Variants in KLHL38 observed in about 807,000 individuals in gnomAD.
KLHL38 encodes the protein kelch like family member 38, also known as kelch-like protein 38.
Under a neutral mutation model 39.6 loss-of-function variants are expected in KLHL38, and 38 were observed. That is an observed-to-expected ratio of 0.96 (90% confidence interval 0.74 to 1.26). The LOEUF (loss-of-function observed/expected upper bound fraction) is 1.26, where lower values mean the gene tolerates loss of function less well. Among genes scored for constraint, KLHL38 ranks in the 50% most tolerant of loss-of-function variants. KLHL38 has a pLI of 0.00. For missense variants in KLHL38, 803 were observed against 748.1 expected, an observed-to-expected ratio of 1.07 and a Z score of -0.86; for synonymous variants, 322 against 302.2, an observed-to-expected ratio of 1.07 and a Z score of -0.68.
Position 123,652,890 on chromosome 8 carries a change from CT to C in KLHL38, c.36del (p.Asp13ThrfsTer9). The part of the protein sequence containing the change: ...DEESLDGLLF[K>X]DHDFSSDLLR... ...AACAAGTCAGAAGAGAAGTCGTGGT[CT>C]TTGAAGAGCAGCCCATCTAGTGACT... is the stretch of plus-strand genomic sequence containing the variant. On this transcript the variant is annotated frameshift_variant, in exon 2 of 4. Transcript: ENST00000684634. LOFTEE classifies it high-confidence loss of function. 1 of 1,601,144 alleles carries C rather than the reference CT, an allele frequency of 6.2e-7. No individual in the cohort carries two copies. The highest frequency in any genetic ancestry group is 2.2e-5 in the East Asian group (1 of 44,874).
At chr8:123,647,769 A>G (rs1316519821) in intron 2 of KLHL38, among the ~76,000 whole-genome samples, 2 of 152,232 alleles carry the variant, frequency 1.3e-5, no homozygotes, top group Non-Finnish European at 1.5e-5. Context: ...TTTGCTAGAA[A>G]GTCTTTTCCT....
chr8:123,648,012 T>C (rs1818691517), intron 2 of KLHL38, among the ~76,000 whole-genome samples: 1 of 152,016 alleles, frequency 6.6e-6, no homozygotes, highest in African/African-American at 2.4e-5. Context: ...GCCCTGGAGG[T>C]GGAGGTTGCA....
chr8:123,653,600 G>T lies in KLHL38; in HGVS notation c.-16C>A, dbSNP rs1812696488. On this transcript the variant is annotated 5_prime_UTR_variant, in exon 1 of 4. Coordinates refer to ENST00000684634, the MANE Select transcript of KLHL38 (RefSeq NM_001081675.3). ...GGGACACTTACCTTGTTTTGCTGCG[G>T]TGACATCCACTGGTGCCTGGTCTGA... Among the ~76,000 whole-genome samples the T allele has an allele frequency of 6.6e-6, 1 of 152,210 alleles. No homozygotes were observed. Among genetic ancestry groups the T allele is most frequent in the South Asian group, 2.1e-4 (1 of 4,824 alleles).
At position 123,652,717 on chromosome 8, in the gene KLHL38, C is replaced by A. The variant is rs780659218; in HGVS notation, c.210G>T (p.Lys70Asn). 4 of 1,614,202 alleles carry A rather than the reference C, an allele frequency of 2.5e-6. No homozygotes were observed. Among genetic ancestry groups the A allele is most frequent in the Admixed American group, 3.3e-5 (2 of 60,032 alleles). Residue 70 changes from lysine (K) to asparagine (N), a missense_variant, in exon 2 of 4, where the codon AAG (lysine) becomes AAT (asparagine). By Grantham distance (94) the Lys-to-Asn change is moderately conservative. Transcript: ENST00000684634. ...CTTTCAGCTGCACTTTGGCTTCACT[C>A]TTCTCCCGGAAGCTGCTGCAGAACA... ...RAMFCSSFRE[K>N]SEAKVQLKGI...
chr8:123,649,255 C>G (rs1415248962), intron 2 of KLHL38, among the ~76,000 whole-genome samples: 1 of 152,116 alleles, frequency 6.6e-6, no homozygotes, highest in East Asian at 1.9e-4. Flanking sequence ...ACTTTGTTAT[C>G]TGTCTGGTGT....
rs374414250 is a variant in KLHL38 at position 123,645,449 on chromosome 8, A to AAGAGAGAGAGAGAGAGAGAG, written c.*270_*289dup. 8.6e-5 allele frequency: 28 copies of AAGAGAGAGAGAGAGAGAGAG among 325,334 alleles called. No homozygotes were observed. The highest frequency in any genetic ancestry group is 2.0e-4 in the South Asian group (3 of 15,166). 20.2% of individuals were successfully genotyped at this position (325,334 alleles called of 1,614,324 possible). ...GAAACTCCATCTCAAAAAAAAGAAA[A>AAGAGAGAGAGAGAGAGAGAG]AGAGAGAGAGAGAGAGAGAGAGAGA... On this transcript the variant is annotated 3_prime_UTR_variant, in exon 4 of 4. Coordinates refer to ENST00000684634, the MANE Select transcript of KLHL38 (RefSeq NM_001081675.3).
chr8:123,647,816 C>T (rs1484733072), intron 2 of KLHL38, among the ~76,000 whole-genome samples: 6 of 152,240 alleles, frequency 3.9e-5, no homozygotes, highest in Admixed American at 2.0e-4. Context: ...CGGTGGCTCA[C>T]GCCTGTAATC....
intron 2 of KLHL38, among the ~76,000 whole-genome samples, chr8:123,647,677 G>A (rs770905970): frequency 6.6e-6 from 1 of 152,182 alleles, no homozygotes; most frequent in Non-Finnish European, 1.5e-5. Context: ...GCAAAATTTA[G>A]CACAAGAGAT....
Position 123,652,099 on chromosome 8 carries a change from G to C in KLHL38, c.828C>G (p.Val276=), listed in dbSNP as rs771200405. ...TVPDCKLLLH[V]PPRNSYQDFL... Reference sequence around the variant, plus strand: ...AATCTTGGTAAGAGTTTCTTGGAGGGACATGCAACAGGAGTTTGCAGTCTG... The same window carrying C: ...AATCTTGGTAAGAGTTTCTTGGAGGCACATGCAACAGGAGTTTGCAGTCTG... Residue 276 remains valine (V), a synonymous_variant, in exon 2 of 4, where the codon GTC becomes GTG. Coordinates refer to ENST00000684634, the MANE Select transcript of KLHL38 (RefSeq NM_001081675.3). 8 of 1,614,198 alleles carry C rather than the reference G, an allele frequency of 5.0e-6. No homozygotes were observed. The highest frequency in any genetic ancestry group is 3.3e-5 in the Admixed American group (2 of 60,028).
rs201130341 is a variant in KLHL38, at chr8:123,652,834, C to A, written c.93G>T (p.Arg31Ser). The change falls in exon 2 of 4, where the codon AGG (arginine) becomes AGT (serine). Residue 31 changes from arginine (R) to serine (S), a missense_variant. Physicochemically the swap from Arg to Ser is moderately radical, Grantham distance 110. Transcript: ENST00000684634. ...CACAGATGCTCACATCAGTCAGGATCCTGCTTTGCCTTAAGCTGTTGAGCT... is the reference window on the plus strand; with the variant it reads ...CACAGATGCTCACATCAGTCAGGATACTGCTTTGCCTTAAGCTGTTGAGCT... ...LRQLNSLRQS[R>S]ILTDVSICAG... is the part of the protein sequence containing the mutation. 1 of 1,611,922 alleles carries A rather than the reference C, an allele frequency of 6.2e-7. No homozygotes were observed. Among genetic ancestry groups the A allele is most frequent in the Non-Finnish European group, 8.5e-7 (1 of 1,180,022 alleles).
Position 123,645,646 on chromosome 8 carries a change from C to G in KLHL38, c.*93G>C. On this transcript the variant is annotated 3_prime_UTR_variant, in exon 4 of 4. Transcript: ENST00000684634. ...GGTACCTCAGTCTTGTGAGCTCTCC[C>G]TGCAGCCTTTAAGGGTTAAGCCCTT... The G allele has an allele frequency of 1.4e-6, 2 of 1,416,344 alleles. No individual in the cohort carries two copies. The highest frequency in any genetic ancestry group is 2.5e-4 in the Middle Eastern group (1 of 3,950). The allele number at this position is 1,416,344 out of a possible 1,614,324, so 87.7% of individuals were successfully genotyped here.
In KLHL38 at chr8:123,645,046, G is replaced by A. The variant is rs1302718072; in HGVS notation, c.*693C>T. Among the ~76,000 whole-genome samples, 1 of 151,178 alleles carries A rather than the reference G, an allele frequency of 6.6e-6. No homozygotes were observed. The highest frequency in any genetic ancestry group is 1.5e-5 in the Non-Finnish European group (1 of 67,748). On this transcript the variant is annotated 3_prime_UTR_variant, in exon 4 of 4. Coordinates refer to ENST00000684634, the MANE Select transcript of KLHL38 (RefSeq NM_001081675.3). ...GACAGAGGGGAGACTGAGAGAGAGA[G>A]AGAGAGAGAGGGGCAGAGAGAGGCA...
intron 2 of KLHL38, among the ~76,000 whole-genome samples, chr8:123,650,252 G>A (rs1465098562): frequency 6.6e-6 from 1 of 152,102 alleles, no homozygotes; most frequent in Admixed American, 6.5e-5. Flanking sequence ...ACATTGGAAG[G>A]AGAGTTGTCT....
chr8:123,652,635 G>T lies in KLHL38; in HGVS notation c.292C>A (p.His98Asn), dbSNP rs769166778. 7.4e-6 allele frequency: 12 copies of T among 1,614,002 alleles called. No individual in the cohort carries two copies. The highest frequency in any genetic ancestry group is 1.0e-5 in the Non-Finnish European group (12 of 1,179,980). Residue 98 changes from histidine to asparagine, a missense_variant, in exon 2 of 4, where the codon CAT becomes AAT. Physicochemically the swap from His to Asn is moderately conservative, Grantham distance 68. Coordinates refer to ENST00000684634, the MANE Select transcript of KLHL38 (RefSeq NM_001081675.3). ...GGGAGGACATTGTCAGTGGCAATAT[G>T]TGCCTCCCCCGTATACACGTAGGAG... ...IVSYVYTGEAHIATDNVLPVM... is the reference protein window; with the variant it reads ...IVSYVYTGEANIATDNVLPVM...
In KLHL38 at chr8:123,645,962, T is replaced by A. The variant is rs1818658084; in HGVS notation, c.1523A>T (p.Lys508Ile). 2 of 1,614,056 alleles carry A rather than the reference T, an allele frequency of 1.2e-6. No individual in the cohort carries two copies. The highest frequency in any genetic ancestry group is 1.7e-5 in the Admixed American group (1 of 60,006). The change falls in exon 4 of 4, where the codon AAA (lysine) becomes ATA (isoleucine). Residue 508 changes from lysine (K) to isoleucine (I), a missense_variant. Coordinates refer to ENST00000684634, the MANE Select transcript of KLHL38 (RefSeq NM_001081675.3). The stretch of plus-strand genomic sequence containing the variant: ...GGCCCCATGGTGCATCCTCCGGTCT[T>A]TCATGTCCGCACATTTGACAAATTT... Reference protein sequence around the residue: ...SNKFVKCADMKDRRMHHGATV... With the variant: ...SNKFVKCADMIDRRMHHGATV...
At position 123,651,930 on chromosome 8, in the gene KLHL38, T is replaced by C. The variant is rs901340403; in HGVS notation, c.997A>G (p.Ser333Gly). The change falls in exon 2 of 4, where the codon AGC (serine) becomes GGC (glycine). Residue 333 changes from serine to glycine, a missense_variant. Ser to Gly is a moderately conservative substitution (Grantham distance 56, BLOSUM62 0). Transcript: ENST00000684634. Reference protein sequence around the residue: ...YKASAITLHRSIYVLGGMAVS... With the variant: ...YKASAITLHRGIYVLGGMAVS... ...GCCATGCCCCCCAGCACATAGATGCTGCGGTGCAAGGTGATGGCAGAGGCC... is the reference window on the plus strand; with the variant it reads ...GCCATGCCCCCCAGCACATAGATGCCGCGGTGCAAGGTGATGGCAGAGGCC... The C allele has an allele frequency of 1.2e-6, 2 of 1,614,230 alleles. No homozygotes were observed. Among genetic ancestry groups the C allele is most frequent in the Non-Finnish European group, 1.7e-6 (2 of 1,180,038 alleles).
rs766648378 is a variant in KLHL38 at position 123,645,749 on chromosome 8, C to T, written c.1736G>A (p.Gly579Asp). ...LTLQCIPRTS[G>D]LP The stretch of plus-strand genomic sequence containing the variant: ...GGTTTCTTGTCGACCTCATGGGAGG[C>T]CAGACGTGCGGGGTATGCACTGGAG... Residue 579 changes from glycine to aspartate, a missense_variant, in exon 4 of 4, where the codon GGC (glycine) becomes GAC (aspartate). By Grantham distance (94) the Gly-to-Asp change is moderately conservative. Coordinates refer to ENST00000684634, the MANE Select transcript of KLHL38 (RefSeq NM_001081675.3). 6.2e-7 allele frequency: 1 copy of T among 1,612,934 alleles called. No homozygotes were observed. The highest frequency in any genetic ancestry group is 8.5e-7 in the Non-Finnish European group (1 of 1,179,298).
In KLHL38 at chr8:123,646,996, T is replaced by C; in HGVS notation, c.1369A>G (p.Asn457Asp). 1 of 1,609,836 alleles carries C rather than the reference T, an allele frequency of 6.2e-7. No homozygotes were observed. Among genetic ancestry groups the C allele is most frequent in the Non-Finnish European group, 8.5e-7 (1 of 1,176,570 alleles). Residue 457 changes from asparagine (N) to aspartate (D), a missense_variant, in exon 3 of 4, where the codon AAC becomes GAC. By Grantham distance (23) the Asn-to-Asp change is conservative (BLOSUM62 1). Coordinates refer to ENST00000684634, the MANE Select transcript of KLHL38 (RefSeq NM_001081675.3). ...CTTGTCTCCATTTTGAACCACGAGT[T>C]TCTGGAAATGTGATAAACCTGAGGG... ...RLIQVYHISR[N>D]SWFKMETRMI...
chr8:123,651,932 C>A lies in KLHL38; in HGVS notation c.995G>T (p.Arg332Leu), dbSNP rs368547076. The A allele has an allele frequency of 6.2e-7, 1 of 1,614,090 alleles. No homozygotes were observed. The highest frequency in any genetic ancestry group is 1.7e-5 in the Admixed American group (1 of 60,002). ...CATGCCCCCCAGCACATAGATGCTG[C>A]GGTGCAAGGTGATGGCAGAGGCCTT... ...LYKASAITLH[R>L]SIYVLGGMAV... The change falls in exon 2 of 4, where the codon CGC becomes CTC. Residue 332 changes from arginine to leucine, a missense_variant. Physicochemically the swap from Arg to Leu is moderately radical, Grantham distance 102. Transcript: ENST00000684634.
Sources: gnomAD v4.1 joint callset for allele counts (sites outside exome capture counted in the v4.1 genomes callset) on GRCh38, gnomAD v4.1.1 for gene constraint, MANE v1.5 for transcripts, NCBI Gene and HGNC (gene_info 2026-07-23, HGNC 2026-07-21) for gene names.